The following LRRC31 variants were observed in gnomAD, a reference collection of about 807,000 sequenced individuals.
LRRC31 encodes the protein leucine rich repeat containing 31.
A neutral mutation model predicts 46.7 loss-of-function variants in LRRC31; 35 were observed. The observed-to-expected ratio is 0.75, with a 90% CI of 0.57 to 0.99. The LOEUF is 0.99. Among genes scored for constraint, LRRC31 ranks in the 50% least tolerant of loss-of-function variants. LRRC31 has a pLI of 0.00. For synonymous variants in LRRC31, 236 were observed against 235.1 expected (o/e 1.00, Z -0.03); for missense variants, 613 against 626.1 (o/e 0.98, Z 0.22).
At chr3:169,857,361 C>CACACAT (rs1287755861) in intron 3 of LRRC31, among the ~76,000 whole-genome samples, 19 of 112,482 alleles carry the variant, frequency 1.7e-4, no homozygotes, top group Middle Eastern at 4.8e-3. Context: ...CACACACACA[C>CACACAT]ACACACACAA....
intron 1 of LRRC31, among the ~76,000 whole-genome samples, chr3:169,863,942 G>A (rs566551753): frequency 3.9e-5 from 6 of 152,076 alleles, no homozygotes; most frequent in South Asian, 2.1e-4. Context: ...TTAGAGACAC[G>A]ATTAATTAGG....
intron 3 of LRRC31, among the ~76,000 whole-genome samples, chr3:169,857,299 T>A (rs1298951333): frequency 3.8e-5 from 5 of 131,778 alleles, no homozygotes; most frequent in African/African-American, 5.6e-5. Flanking sequence ...CTCTCTCCAA[T>A]GTCAAGAATA....
rs375189682 is a variant in LRRC31 at position 169,851,724 on chromosome 3, C to G, written c.1054G>C (p.Gly352Arg). The G allele has an allele frequency of 3.1e-6, 5 of 1,614,088 alleles. No individual in the cohort carries two copies. The highest frequency in any genetic ancestry group is 4.2e-6 in the Non-Finnish European group (5 of 1,179,972). Reference protein sequence around the residue: ...ELDLSANKKMGSSSENLLSRL... With the variant: ...ELDLSANKKMRSSSENLLSRL... Reference sequence around the variant, plus strand: ...CTGAGTAAGTTTTCAGAAGAACTGCCCATCTTTTTGTTGGCTGATAAATCC... The same window carrying G: ...CTGAGTAAGTTTTCAGAAGAACTGCGCATCTTTTTGTTGGCTGATAAATCC... The change falls in exon 7 of 9, where the codon GGC (glycine) becomes CGC (arginine). Residue 352 changes from glycine (G) to arginine (R), a missense_variant. Gly to Arg is a moderately radical substitution (Grantham distance 125). Coordinates refer to ENST00000316428, the MANE Select transcript of LRRC31 (RefSeq NM_024727.4).
At position 169,840,278 on chromosome 3, in the gene LRRC31, G is replaced by A; in HGVS notation, c.1363C>T (p.Gln455Ter). Residue 455 changes from glutamine (Q) to a stop codon, truncating the protein, a stop_gained, in exon 9 of 9, where the codon CAA (glutamine) becomes TAA (stop). Transcript: ENST00000316428. LOFTEE classifies it low-confidence loss of function (END_TRUNC). ...TCATTGTAGCTCAGGTCCAGCTTTT[G>A]CAGTTTGGCCAGATGACCCGTCTGT... ...VIQTGHLAKL[Q>*]KLDLSYNDSI... 1 of 1,614,112 alleles carries A rather than the reference G, an allele frequency of 6.2e-7. No homozygotes were observed. Among genetic ancestry groups the A allele is most frequent in the Non-Finnish European group, 8.5e-7 (1 of 1,180,022 alleles).
intron 8 of LRRC31, among the ~76,000 whole-genome samples, chr3:169,846,991 A>G (rs1780622439): frequency 6.6e-6 from 1 of 152,044 alleles, no homozygotes; most frequent in African/African-American, 2.4e-5. Context: ...ACTAATATAT[A>G]CACTGAGAAC....
chr3:169,853,382 G>A (rs1780847181), intron 6 of LRRC31: 4 of 985,402 alleles, frequency 4.1e-6, no homozygotes, highest in Non-Finnish European at 4.8e-6. Flanking sequence ...ATTCATTACA[G>A]TTATCAAATA....
At chr3:169,853,188 G>A (rs1054731521) in intron 6 of LRRC31, 70 of 983,438 alleles carry the variant, frequency 7.1e-5, no homozygotes, top group African/African-American at 5.1e-4. Context: ...CCCCTGGCAC[G>A]GTGCCCCACA....
At chr3:169,860,314 G>A (rs994642190) in intron 3 of LRRC31, among the ~76,000 whole-genome samples, 7 of 150,026 alleles carry the variant, frequency 4.7e-5, no homozygotes, top group African/African-American at 1.5e-4. Flanking sequence ...TGCAACTTCC[G>A]CCTCCCAGGT....
intron 1 of LRRC31, among the ~76,000 whole-genome samples, chr3:169,863,520 T>A (rs1178315453): frequency 2.6e-5 from 4 of 151,084 alleles, no homozygotes; most frequent in African/African-American, 9.7e-5. Context: ...ACAGCAGTCT[T>A]GTGGCTTCCT....
rs1393394034 is a variant in LRRC31 at position 169,839,265 on chromosome 3, G to T, written c.*717C>A. ...GTTAACAATTTTTTAAACAATAAAA[G>T]GTTTTAATTTATTCTAACAAGATAT... On this transcript the variant is annotated 3_prime_UTR_variant, in exon 9 of 9. Coordinates refer to ENST00000316428, the MANE Select transcript of LRRC31 (RefSeq NM_024727.4). 1 of 152,048 alleles carries T rather than the reference G, an allele frequency of 6.6e-6. No individual in the cohort carries two copies. Among genetic ancestry groups the T allele is most frequent in the African/African-American group, 2.4e-5 (1 of 41,408 alleles). The allele number at this position is 152,048 out of a possible 1,614,324, so 9.4% of individuals were successfully genotyped here.
chr3:169,840,667 C>T (rs1780421895), intron 8 of LRRC31, among the ~76,000 whole-genome samples: 1 of 152,140 alleles, frequency 6.6e-6, no homozygotes, highest in African/African-American at 2.4e-5. Flanking sequence ...TGTAAATAAT[C>T]ATCTTGCTGC....
At chr3:169,847,413 G>A (rs1459807879) in intron 8 of LRRC31, among the ~76,000 whole-genome samples, 2 of 152,192 alleles carry the variant, frequency 1.3e-5, no homozygotes, top group African/African-American at 4.8e-5. Context: ...TTGAACTCCT[G>A]ACCTCAAGTG....
At position 169,855,099 on chromosome 3, in the gene LRRC31, T is replaced by G. The variant is rs1780902063; in HGVS notation, c.824-119A>C. On this transcript the variant is annotated intron_variant, in intron 5 of 8. Transcript: ENST00000316428. Reference sequence around the variant, plus strand: ...TGAGCCCCGGAGTTCGAGTCCAGCTTGGGCAGCATAGTGAGATCCATCTCT... The same window carrying G: ...TGAGCCCCGGAGTTCGAGTCCAGCTGGGGCAGCATAGTGAGATCCATCTCT... 7 of 796,782 alleles carry G rather than the reference T, an allele frequency of 8.8e-6. No individual in the cohort carries two copies. In the Admixed American group the frequency reaches 1.2e-4, roughly 14 times the overall value. The allele number at this position is 796,782 out of a possible 1,614,324, so 49.4% of individuals were successfully genotyped here. A position where few individuals can be genotyped will look rare whatever the true frequency, so the allele number is the denominator to read the frequency against.
At chr3:169,847,640 A>T (rs1348941610) in intron 8 of LRRC31, among the ~76,000 whole-genome samples, 1 of 152,250 alleles carries the variant, frequency 6.6e-6, no homozygotes, top group Non-Finnish European at 1.5e-5. Flanking sequence ...TTTTTCTAAT[A>T]GAGAGGAGCC....
intron 7 of LRRC31, 26 bp downstream of exon 7, chr3:169,851,593 C>G: frequency 1.2e-6 from 2 of 1,604,728 alleles, no homozygotes; most frequent in Non-Finnish European, 1.7e-6. Flanking sequence ...TGCATGGTTC[C>G]TGCAGGGATC....
intron 1 of LRRC31, among the ~76,000 whole-genome samples, chr3:169,867,418 C>T (rs1031747932): frequency 3.3e-5 from 5 of 151,832 alleles, no homozygotes; most frequent in Admixed American, 6.6e-5. Context: ...CTACCACACC[C>T]GGCTACTTTT....
chr3:169,867,950 A>G (rs528463613), intron 1 of LRRC31, among the ~76,000 whole-genome samples: 1 of 152,356 alleles, frequency 6.6e-6, no homozygotes, highest in African/African-American at 2.4e-5. Context: ...ACAAACAAGG[A>G]ACTCACTGAG....
chr3:169,845,268 T>C (rs763720082), intron 8 of LRRC31, among the ~76,000 whole-genome samples: 8 of 152,198 alleles, frequency 5.3e-5, no homozygotes, highest in South Asian at 4.1e-4. Flanking sequence ...TCAATATTGT[T>C]AAGATGTCAT....
At chr3:169,868,094 C>T (rs1282651157) in intron 1 of LRRC31, among the ~76,000 whole-genome samples, 2 of 152,204 alleles carry the variant, frequency 1.3e-5, no homozygotes, top group African/African-American at 2.4e-5. Context: ...CACATAAACT[C>T]AGGAGGAATC....
Sources: gnomAD v4.1 joint callset for allele counts (sites outside exome capture counted in the v4.1 genomes callset) on GRCh38, gnomAD v4.1.1 for gene constraint, MANE v1.5 for transcripts, NCBI Gene and HGNC (gene_info 2026-07-23, HGNC 2026-07-21) for gene names.